Variants in ACTR3C observed in about 807,000 individuals in gnomAD.
ACTR3C encodes actin-related protein 3C.
Under a neutral mutation model 26.3 loss-of-function variants are expected in ACTR3C, and 18 were observed. That is an observed-to-expected ratio of 0.68 (90% CI 0.47 to 1.01). The LOEUF (loss-of-function observed/expected upper bound fraction) is 1.01. Ranked by LOEUF, ACTR3C falls within the 50% of genes least tolerant of loss-of-function variation. The pLI is 0.00. For synonymous variants in ACTR3C, 55 were observed against 94.5 expected, an observed-to-expected ratio of 0.58 and a Z score of 2.42; for missense variants, 184 against 250.7, an observed-to-expected ratio of 0.73 and a Z score of 1.80.
chr7:149,996,598 T>TAAATAAATAAAA, the ACTR3C span, among the ~76,000 whole-genome samples: 2 of 151,912 alleles, frequency 1.3e-5, no homozygotes, highest in South Asian at 2.1e-4. Context: ...AATAAATAAA[T>TAAATAAATAAAA]AAAAAATAAA....
the ACTR3C span, among the ~76,000 whole-genome samples, chr7:149,933,117 C>T: frequency 4.4e-5 from 1 of 22,780 alleles, no homozygotes; most frequent in African/African-American, 6.3e-5. Flanking sequence ...GAGCCATCCT[C>T]ACTCACACAC....
chr7:149,918,761 A>G, the ACTR3C span, among the ~76,000 whole-genome samples: 38 of 152,336 alleles, frequency 2.5e-4, 1 homozygote, highest in East Asian at 6.7e-3. Context: ...AAAAGGTGAC[A>G]ACAGCAAGAT....
chr7:150,223,869 G>C, the ACTR3C span, among the ~76,000 whole-genome samples: 1 of 152,218 alleles, frequency 6.6e-6, no homozygotes, highest in Non-Finnish European at 1.5e-5. Flanking sequence ...ATCTGGGGCT[G>C]TAGTCTCATC....
the ACTR3C span, among the ~76,000 whole-genome samples, chr7:150,210,005 A>G: frequency 6.6e-6 from 1 of 151,312 alleles, no homozygotes; most frequent in Non-Finnish European, 1.5e-5. Context: ...TGATAAAGAC[A>G]TTTATGAAAA....
the ACTR3C span, among the ~76,000 whole-genome samples, chr7:150,065,444 T>C: frequency 4.5e-3 from 683 of 152,366 alleles, 5 homozygotes; most frequent in African/African-American, 0.016. Flanking sequence ...TAGTTCTTTA[T>C]GAACGGAGCC....
At chr7:150,282,800 C>G (rs1010430172) in intron 6 of ACTR3C, among the ~76,000 whole-genome samples, 1 of 139,742 alleles carries the variant, frequency 7.2e-6, no homozygotes, top group Non-Finnish European at 1.5e-5. Context: ...CGCTTGAGCC[C>G]GAGAGGTCGA....
At chr7:150,277,895 T>G (rs1351592352) in intron 6 of ACTR3C, among the ~76,000 whole-genome samples, 1 of 152,160 alleles carries the variant, frequency 6.6e-6, no homozygotes, top group East Asian at 1.9e-4. Flanking sequence ...GAACTTAAGT[T>G]GGGTCACATT....
chr7:150,136,020 G>A, the ACTR3C span, among the ~76,000 whole-genome samples: 1 of 152,108 alleles, frequency 6.6e-6, no homozygotes, highest in Non-Finnish European at 1.5e-5. Flanking sequence ...AATCACCACA[G>A]GATGTTGGCG....
intron 6 of ACTR3C, among the ~76,000 whole-genome samples, chr7:150,257,619 G>T (rs1833314100): frequency 1.3e-5 from 2 of 152,208 alleles, no homozygotes; most frequent in Non-Finnish European, 2.9e-5. Flanking sequence ...GATTAGAAAT[G>T]GTGCAACCAT....
the ACTR3C span, among the ~76,000 whole-genome samples, chr7:150,058,174 G>A: frequency 2.6e-5 from 4 of 152,124 alleles, no homozygotes; most frequent in South Asian, 2.1e-4. Context: ...ATAATCCTAC[G>A]TTTGTACTGC....
intron 1 of ACTR3C, among the ~76,000 whole-genome samples, chr7:150,305,023 C>G (rs1260990676): frequency 2.0e-5 from 3 of 152,118 alleles, no homozygotes; most frequent in Admixed American, 2.0e-4. Flanking sequence ...TTTGATTGTT[C>G]TCAGGCGGTC....
At chr7:149,984,355 C>T in the ACTR3C span, among the ~76,000 whole-genome samples, 2 of 152,090 alleles carry the variant, frequency 1.3e-5, no homozygotes, top group East Asian at 3.9e-4. Context: ...AGGCATGCGC[C>T]ACCACACCTG....
chr7:150,154,230 A>T, the ACTR3C span, among the ~76,000 whole-genome samples: 6 of 152,024 alleles, frequency 3.9e-5, no homozygotes, highest in African/African-American at 1.4e-4. Context: ...TAATAATAAT[A>T]AAAAAAATTT....
chr7:150,280,079 A>G (rs1325768336), intron 6 of ACTR3C, among the ~76,000 whole-genome samples: 1 of 152,220 alleles, frequency 6.6e-6, no homozygotes, highest in East Asian at 1.9e-4. Context: ...ACACTGGCTG[A>G]TCCAAGAGTG....
At chr7:150,303,170 A>C (rs914021896) in intron 1 of ACTR3C, among the ~76,000 whole-genome samples, 2 of 152,236 alleles carry the variant, frequency 1.3e-5, no homozygotes, top group African/African-American at 4.8e-5. Context: ...CCAGTAAGAC[A>C]CAAAAGCTGG....
chr7:150,241,134 A>G (rs1398549912), downstream of ACTR3C, among the ~76,000 whole-genome samples: 1 of 152,116 alleles, frequency 6.6e-6, no homozygotes. Context: ...ATAAATTGTC[A>G]TATAAATTGA....
chr7:149,954,735 G>T, the ACTR3C span, among the ~76,000 whole-genome samples: 1 of 152,308 alleles, frequency 6.6e-6, no homozygotes, highest in Non-Finnish European at 1.5e-5. Flanking sequence ...TAAGGATAAG[G>T]TCATTATCAA....
At chr7:150,187,981 G>C in the ACTR3C span, among the ~76,000 whole-genome samples, 1 of 151,774 alleles carries the variant, frequency 6.6e-6, no homozygotes, top group Non-Finnish European at 1.5e-5. Flanking sequence ...AAATATAATT[G>C]AGTGTTCTAA....
the ACTR3C span, among the ~76,000 whole-genome samples, chr7:150,129,795 T>A: frequency 2.0e-5 from 3 of 152,204 alleles, no homozygotes; most frequent in Middle Eastern, 3.2e-3. Context: ...GCAATCTTAA[T>A]ATTCCAGGTG....
Sources: gnomAD v4.1 joint callset for allele counts (sites outside exome capture counted in the v4.1 genomes callset) on GRCh38, gnomAD v4.1.1 for gene constraint, MANE v1.5 for transcripts, NCBI Gene and HGNC (gene_info 2026-07-23, HGNC 2026-07-21) for gene names.